The following OGDH variants were observed in gnomAD, a reference collection of about 807,000 sequenced individuals.
OGDH encodes the protein oxoglutarate dehydrogenase, also known as 2-oxoglutarate dehydrogenase complex component E1.
OGDH carries 38 observed loss-of-function variants against 116.6 expected under a neutral mutation model. That is an observed-to-expected ratio of 0.33 (90% confidence interval 0.25 to 0.43). OGDH has a LOEUF of 0.43. Among genes scored for constraint, OGDH ranks in the 20% least tolerant of loss-of-function variants. OGDH has a pLI of 1.00. For missense variants in OGDH, 825 were observed against 1,357.2 expected, an observed-to-expected ratio of 0.61 and a Z score of 6.16; for synonymous variants, 488 against 533.3, an observed-to-expected ratio of 0.92 and a Z score of 1.17.
intron 5 of OGDH, among the ~76,000 whole-genome samples, chr7:44,671,173 G>A (rs1456369130): frequency 1.3e-5 from 2 of 152,170 alleles, no homozygotes; most frequent in Non-Finnish European, 2.9e-5. Flanking sequence ...TCTGCATTTG[G>A]TGAGGGCCTC....
chr7:44,671,632 G>A (rs1242180996), intron 5 of OGDH, among the ~76,000 whole-genome samples: 1 of 151,280 alleles, frequency 6.6e-6, no homozygotes, highest in African/African-American at 2.4e-5. Context: ...GCCGGGCGTG[G>A]TGGCATGCAC....
intron 2 of OGDH, among the ~76,000 whole-genome samples, chr7:44,633,109 C>T (rs1450477638): frequency 1.3e-5 from 2 of 151,388 alleles, no homozygotes; most frequent in African/African-American, 2.4e-5. Context: ...AAAAATTAGC[C>T]GGGCATGGTG....
chr7:44,683,418 G>A (rs1788011302), intron 10 of OGDH, among the ~76,000 whole-genome samples: 1 of 151,644 alleles, frequency 6.6e-6, no homozygotes, highest in African/African-American at 2.4e-5. Flanking sequence ...TTGTGTAGAG[G>A]CGGGATGTCA....
intron 2 of OGDH, among the ~76,000 whole-genome samples, chr7:44,635,442 C>G (rs1043469499): frequency 6.6e-6 from 1 of 152,058 alleles, no homozygotes; most frequent in Non-Finnish European, 1.5e-5. Context: ...CTGCCCCACC[C>G]GCGCCGCGGA....
chr7:44,671,458 C>G (rs1043648316), intron 5 of OGDH, among the ~76,000 whole-genome samples: 1 of 152,238 alleles, frequency 6.6e-6, no homozygotes, highest in East Asian at 1.9e-4. Flanking sequence ...GGGGAACAAA[C>G]GGGTTAATAA....
At chr7:44,635,262 C>G (rs1785612933) in intron 2 of OGDH, among the ~76,000 whole-genome samples, 1 of 152,080 alleles carries the variant, frequency 6.6e-6, no homozygotes, top group Admixed American at 6.5e-5. Flanking sequence ...CGCCGGTGTT[C>G]CTTGGTTACA....
At chr7:44,688,303 G>A (rs1042748582) in intron 10 of OGDH, among the ~76,000 whole-genome samples, 7 of 151,742 alleles carry the variant, frequency 4.6e-5, no homozygotes, top group African/African-American at 7.3e-5. Context: ...CCTGGGAGGC[G>A]GAGATTGCGG....
chr7:44,656,418 G>A, intron 4 of OGDH: 1 of 1,473,928 alleles, frequency 6.8e-7, no homozygotes, highest in Non-Finnish European at 9.2e-7. Context: ...ATTTGAATAG[G>A]ATGTGCAACT....
chr7:44,694,107 TCA>T lies in OGDH; in HGVS notation c.1515+105_1515+106del. 1 of 1,282,474 alleles carries T rather than the reference TCA, an allele frequency of 7.8e-7. No individual in the cohort carries two copies. Among genetic ancestry groups the T allele is most frequent in the Non-Finnish European group, 1.1e-6 (1 of 935,832 alleles). The allele number at this position is 1,282,474 out of a possible 1,614,324, so 79.4% of individuals were successfully genotyped here. On this transcript the variant is annotated intron_variant, in intron 11 of 22. Coordinates refer to ENST00000222673, the MANE Select transcript of OGDH (RefSeq NM_002541.4). The surrounding 1 kb of genome is among the most constrained non-coding windows in gnomAD (Gnocchi z 4.2). ...AAGGAGAGGAGCTTGTCTAGATGAG[TCA>T]CCTCAGGGCTCTCTACTGCCAGGCC...
intron 1 of OGDH, among the ~76,000 whole-genome samples, chr7:44,616,860 C>CAT (rs1187563752): frequency 2.7e-4 from 28 of 102,046 alleles, no homozygotes; most frequent in African/African-American, 1.0e-3. Context: ...TATATATACA[C>CAT]ATATATATAT....
intron 1 of OGDH, among the ~76,000 whole-genome samples, chr7:44,616,664 T>C (rs1319936943): frequency 1.4e-5 from 2 of 148,062 alleles, no homozygotes; most frequent in Non-Finnish European, 3.0e-5. Context: ...TATATATACG[T>C]ATATACGTAT....
chr7:44,684,401 G>C (rs1210692561), intron 10 of OGDH, among the ~76,000 whole-genome samples: 1 of 152,144 alleles, frequency 6.6e-6, no homozygotes, highest in African/African-American at 2.4e-5. Context: ...AAGTAAATAT[G>C]CTCACTAAGT....
intron 10 of OGDH, 73 bp downstream of exon 10, chr7:44,681,921 G>T: frequency 6.4e-7 from 1 of 1,551,678 alleles, no homozygotes. Context: ...AGTCATTTAG[G>T]ACGTTCACTG....
intron 4 of OGDH, among the ~76,000 whole-genome samples, chr7:44,662,908 G>T (rs1787012451): frequency 6.6e-6 from 1 of 151,856 alleles, no homozygotes; most frequent in Non-Finnish European, 1.5e-5. Flanking sequence ...ATTATCATGT[G>T]TTTTGGCATG....
At position 44,707,316 on chromosome 7, in the gene OGDH, G is replaced by A. The variant is rs1789124211; in HGVS notation, c.2724G>A (p.Val908=). The A allele has an allele frequency of 5.0e-6, 8 of 1,614,266 alleles. No individual in the cohort carries two copies. The highest frequency in any genetic ancestry group is 6.8e-6 in the Non-Finnish European group (8 of 1,180,044). ...GGCTTCTCTTCTGCACCGGCAAAGT[G>A]TATTATGACCTCACCCGGGAGCGCA... The part of the protein sequence containing the change: ...VKRLLFCTGK[V]YYDLTRERKA... Residue 908 remains valine (V), a synonymous_variant, in exon 21 of 23, where the codon GTG becomes GTA. Coordinates refer to ENST00000222673, the MANE Select transcript of OGDH (RefSeq NM_002541.4). This position sits in a 1 kb window ranked among gnomAD's most constrained non-coding sequence, Gnocchi z 5.2.
chr7:44,610,007 G>C (rs1157580537), intron 1 of OGDH, among the ~76,000 whole-genome samples: 2 of 152,086 alleles, frequency 1.3e-5, no homozygotes, highest in African/African-American at 4.8e-5. Context: ...GAAGAGATGG[G>C]ATCTTGCTAT....
intron 1 of OGDH, among the ~76,000 whole-genome samples, chr7:44,623,166 CGTAGTACCAT>C (rs1446392003): frequency 6.6e-5 from 10 of 152,168 alleles, no homozygotes; most frequent in Admixed American, 3.3e-4. Flanking sequence ...CCTTACCCTT[CGTAGTACCAT>C]GAGATTCTGG....
At chr7:44,683,903 C>G (rs557936725) in intron 10 of OGDH, among the ~76,000 whole-genome samples, 5 of 152,166 alleles carry the variant, frequency 3.3e-5, no homozygotes, top group Non-Finnish European at 7.3e-5. Context: ...TAACTCTAGG[C>G]ACTCTCCTAG....
chr7:44,660,387 T>C (rs1786882009), intron 4 of OGDH, among the ~76,000 whole-genome samples: 1 of 152,198 alleles, frequency 6.6e-6, no homozygotes, highest in South Asian at 2.1e-4. Context: ...GTCTTTGGCC[T>C]TTGGATTATT....
Sources: gnomAD v4.1 joint callset for allele counts (sites outside exome capture counted in the v4.1 genomes callset) on GRCh38, gnomAD v4.1.1 for gene constraint, Gnocchi (gnomAD v3.1) non-coding constraint, MANE v1.5 for transcripts, NCBI Gene and HGNC (gene_info 2026-07-23, HGNC 2026-07-21) for gene names.